The following CDHR1 variants were observed in gnomAD, a reference collection of about 807,000 sequenced individuals.
The protein encoded by CDHR1 is cadherin related family member 1.
CDHR1 carries 61 observed loss-of-function variants against 72.1 expected under a neutral mutation model. That is an observed-to-expected ratio of 0.85 (90% confidence interval 0.69 to 1.05). CDHR1 has a LOEUF of 1.05. Ranked by LOEUF, CDHR1 falls within the 50% of genes least tolerant of loss-of-function variation. The probability of loss-of-function intolerance (pLI) is 0.00; values close to 1 mark genes in which losing one functional copy is unlikely to be tolerated. For synonymous variants in CDHR1, 470 were observed against 448.1 expected, an observed-to-expected ratio of 1.05 and a Z score of -0.62; for missense variants, 1,186 against 1,115.7, an observed-to-expected ratio of 1.06 and a Z score of -0.90.
At chr10:84,196,017 A>G (rs564359742) in intron 2 of CDHR1, among the ~76,000 whole-genome samples, 1 of 152,152 alleles carries the variant, frequency 6.6e-6, no homozygotes, top group East Asian at 1.9e-4. Flanking sequence ...GAACCCGGGG[A>G]AAAGGGAGAG....
At chr10:84,196,790 T>C in intron 3 of CDHR1, 140 bp downstream of exon 3, 1 of 970,888 alleles carries the variant, frequency 1.0e-6, no homozygotes. Flanking sequence ...ACATCCACTC[T>C]GTGAGATCTC....
intron 11 of CDHR1, 33 bp from the exon 12 acceptor site, chr10:84,208,696 A>G (rs747776446): frequency 6.2e-7 from 1 of 1,605,222 alleles, no homozygotes; most frequent in Non-Finnish European, 8.5e-7. Flanking sequence ...ATCATCATTC[A>G]TCTTCCTTGT....
rs934208979 is a variant in CDHR1 at position 84,201,839 on chromosome 10, C to T, written c.558C>T (p.His186=). Residue 186 remains histidine (H), a synonymous_variant, in exon 7 of 17, where the codon CAC becomes CAT. Coordinates refer to ENST00000623527, the MANE Select transcript of CDHR1 (RefSeq NM_033100.4). ...ACTCCCCATTTGCCGTGGACCGCCACAGCGGTGTGCTGCGCCTCCAGGCTG... is the reference window on the plus strand; with the variant it reads ...ACTCCCCATTTGCCGTGGACCGCCATAGCGGTGTGCTGCGCCTCCAGGCTG... ...NLHSPFAVDR[H]SGVLRLQAGA... is the part of the protein sequence containing the mutation. The T allele has an allele frequency of 4.3e-6, 7 of 1,610,272 alleles. No individual in the cohort carries two copies. The Admixed American group carries it at 5.0e-5, about 12-fold the overall frequency.
intron 7 of CDHR1, among the ~76,000 whole-genome samples, chr10:84,202,472 C>A (rs947047268): frequency 6.6e-6 from 1 of 152,220 alleles, no homozygotes; most frequent in African/African-American, 2.4e-5. Context: ...CAGGCAAGCC[C>A]CTGCTGGTCA....
rs914731761 is a variant in CDHR1, at chr10:84,215,805, C to T, written c.*1184C>T. On this transcript the variant is annotated 3_prime_UTR_variant, in exon 17 of 17. Coordinates refer to ENST00000623527, the MANE Select transcript of CDHR1 (RefSeq NM_033100.4). ...ACTGTGCTGGGCTTAGGGGCTACCA[C>T]TGGATGATGGCATTGCCGTGACTCA... 4.1e-6 allele frequency: 4 copies of T among 985,538 alleles called. No individual in the cohort carries two copies. Among genetic ancestry groups the T allele is most frequent in the Non-Finnish European group, 4.8e-6 (4 of 830,004 alleles). 61.0% of individuals were successfully genotyped at this position (985,538 alleles called of 1,614,324 possible).
chr10:84,208,763 G>C lies in CDHR1; in HGVS notation c.1202G>C (p.Gly401Ala). 1.2e-6 allele frequency: 2 copies of C among 1,614,150 alleles called. No individual in the cohort carries two copies. The highest frequency in any genetic ancestry group is 3.3e-4 in the Middle Eastern group (2 of 6,060). ...GCCAAATTCAACTTGCAGCTGGTGG[G>C]ACCCAGGGGCATCTTCCGAGTGGTT... The part of the protein sequence containing the change: ...ANAKFNLQLV[G>A]PRGIFRVVPQ... The change falls in exon 12 of 17, where the codon GGA (glycine) becomes GCA (alanine). Residue 401 changes from glycine to alanine, a missense_variant. Coordinates refer to ENST00000623527, the MANE Select transcript of CDHR1 (RefSeq NM_033100.4).
In CDHR1 at chr10:84,198,983, T is replaced by C. The variant is rs11200917; in HGVS notation, c.349-49T>C. 0.2 allele frequency: 282,982 copies of C among 1,409,966 alleles called. 29,566 individuals carry two copies. The highest frequency in any genetic ancestry group is 0.27 in the Admixed American group (13,490 of 50,796). The allele number at this position is 1,409,966 out of a possible 1,614,324, so 87.3% of individuals were successfully genotyped here. On this transcript the variant is annotated intron_variant, in intron 4 of 16. Coordinates refer to ENST00000623527, the MANE Select transcript of CDHR1 (RefSeq NM_033100.4). ...GATAGAGGTCGCTATCCATTCATCC[T>C]TCAGAAGGTCTCATTGCACTGGCTC...
intron 10 of CDHR1, 92 bp from the exon 11 acceptor site, chr10:84,208,082 G>C: frequency 2.6e-6 from 3 of 1,150,190 alleles, no homozygotes; most frequent in Non-Finnish European, 3.9e-6. Context: ...CACTCAAACG[G>C]AGGGGATTAT....
At chr10:84,206,829 T>A (rs575854785) in intron 10 of CDHR1, among the ~76,000 whole-genome samples, 13 of 152,206 alleles carry the variant, frequency 8.5e-5, no homozygotes, top group African/African-American at 2.9e-4. Context: ...GGGAACTAGA[T>A]GAGAGGTAGA....
intron 9 of CDHR1, among the ~76,000 whole-genome samples, chr10:84,205,272 C>T (rs999643159): frequency 5.9e-5 from 9 of 152,276 alleles, no homozygotes; most frequent in African/African-American, 2.2e-4. Flanking sequence ...TACTCACTTT[C>T]CAGCAGCTCA....
At chr10:84,203,979 AG>A (rs574471080) in intron 8 of CDHR1, among the ~76,000 whole-genome samples, 1 of 152,124 alleles carries the variant, frequency 6.6e-6, no homozygotes, top group Non-Finnish European at 1.5e-5. Context: ...AGGCTTGTGT[AG>A]GGGGGCTTAA....
In CDHR1 at chr10:84,215,835, C is replaced by T. The variant is rs1177428194; in HGVS notation, c.*1214C>T. The T allele has an allele frequency of 3.0e-6, 3 of 985,428 alleles. No individual in the cohort carries two copies. In the African/African-American group the frequency reaches 5.2e-5, roughly 17 times the overall value. The allele number at this position is 985,428 out of a possible 1,614,324, so 61.0% of individuals were successfully genotyped here. On this transcript the variant is annotated 3_prime_UTR_variant, in exon 17 of 17. Transcript: ENST00000623527. Reference sequence around the variant, plus strand: ...TGATGGCATTGCCGTGACTCACACACCTCTACTTCTGTTCTTCCCTCACTC... The same window carrying T: ...TGATGGCATTGCCGTGACTCACACATCTCTACTTCTGTTCTTCCCTCACTC...
At chr10:84,203,671 C>T (rs1404330688) in intron 8 of CDHR1, among the ~76,000 whole-genome samples, 3 of 152,220 alleles carry the variant, frequency 2.0e-5, no homozygotes, top group Non-Finnish European at 2.9e-5. Flanking sequence ...CCGCCTTGGC[C>T]TCCGAAAGTG....
Position 84,211,075 on chromosome 10 carries a change from C to CA in CDHR1, c.1397dup (p.Asn466LysfsTer2). The CA allele has an allele frequency of 6.2e-7, 1 of 1,614,176 alleles. No homozygotes were observed. The highest frequency in any genetic ancestry group is 2.2e-5 in the East Asian group (1 of 44,882). ...ATGTTGTGATCCAGCTCCTGGACACCAATGACAATGTCCCCAAGTTCGACT... is the reference window on the plus strand; with the variant it reads ...ATGTTGTGATCCAGCTCCTGGACACCAAATGACAATGTCCCCAAGTTCGACT... On this transcript the variant is annotated frameshift_variant, in exon 13 of 17. Transcript: ENST00000623527. LOFTEE classifies it high-confidence loss of function.
chr10:84,216,755 C>T lies in CDHR1; in HGVS notation c.*2134C>T. On this transcript the variant is annotated 3_prime_UTR_variant, in exon 17 of 17. Coordinates refer to ENST00000623527, the MANE Select transcript of CDHR1 (RefSeq NM_033100.4). ...GGCCTTGTCTACTGGACTTTTCTCC[C>T]AAACAGGACAAGCCCAGGCAGGGCT... 1.0e-6 allele frequency: 1 copy of T among 985,482 alleles called. No individual in the cohort carries two copies. The highest frequency in any genetic ancestry group is 1.2e-6 in the Non-Finnish European group (1 of 829,952). The allele number at this position is 985,482 out of a possible 1,614,324, so 61.0% of individuals were successfully genotyped here.
rs771880291 is a variant in CDHR1, at chr10:84,204,506, G to A, written c.784-21G>A. 1.6e-5 allele frequency: 26 copies of A among 1,579,146 alleles called. No homozygotes were observed. In the Admixed American group the frequency reaches 1.7e-4, roughly 10 times the overall value. ...GTCCCCATATTGCCCATCAGGCAGC[G>A]GCTGTTCCTGTTTCCCCGAGGGCTC... is the stretch of plus-strand genomic sequence containing the variant. On this transcript the variant is annotated intron_variant, in intron 8 of 16. Coordinates refer to ENST00000623527, the MANE Select transcript of CDHR1 (RefSeq NM_033100.4).
rs1842451612 is a variant in CDHR1, at chr10:84,217,879, C to A, written c.*3258C>A. The A allele has an allele frequency of 2.0e-6, 2 of 985,462 alleles. No individual in the cohort carries two copies. Among genetic ancestry groups the A allele is most frequent in the East Asian group, 1.1e-4 (1 of 8,818 alleles). The allele number at this position is 985,462 out of a possible 1,614,324, so 61.0% of individuals were successfully genotyped here. On this transcript the variant is annotated 3_prime_UTR_variant, in exon 17 of 17. Transcript: ENST00000623527. ...GTTGACATTCCAGGGGAGTTAGGAA[C>A]AATGAGAGGTCTCTAAGAACTTGTG...
In CDHR1 at chr10:84,213,218, C is replaced by T; in HGVS notation, c.1910C>T (p.Ser637Phe). The T allele has an allele frequency of 6.2e-7, 1 of 1,614,208 alleles. No individual in the cohort carries two copies. Among genetic ancestry groups the T allele is most frequent in the Non-Finnish European group, 8.5e-7 (1 of 1,180,042 alleles). ...ATCTGGCTCAAGAATTCCATCCGCTCCCTGGATGCCCTGCACAACATCACA... is the reference window on the plus strand; with the variant it reads ...ATCTGGCTCAAGAATTCCATCCGCTTCCTGGATGCCCTGCACAACATCACA... ...GEIWLKNSIR[S>F]LDALHNITPG... Residue 637 changes from serine (S) to phenylalanine (F), a missense_variant, in exon 16 of 17, where the codon TCC (serine) becomes TTC (phenylalanine). Transcript: ENST00000623527.
chr10:84,209,372 T>C (rs909150247), intron 12 of CDHR1, among the ~76,000 whole-genome samples: 6 of 152,178 alleles, frequency 3.9e-5, no homozygotes, highest in Non-Finnish European at 8.8e-5. Context: ...ATTAAAATTA[T>C]CTTATTTATA....
Sources: allele counts gnomAD v4.1 joint callset (sites outside exome capture counted in the v4.1 genomes callset), GRCh38; gene constraint gnomAD v4.1.1; transcripts MANE v1.5; gene names NCBI Gene and HGNC (gene_info 2026-07-23, HGNC 2026-07-21).